PHOX2A: variants seen among roughly 807,000 people sequenced by gnomAD.
The protein encoded by PHOX2A is paired mesoderm homeobox protein 2A.
PHOX2A carries 10 observed loss-of-function variants against 16.4 expected under a neutral mutation model. That is an observed-to-expected ratio of 0.61 (90% CI 0.38 to 1.04). The LOEUF (loss-of-function observed/expected upper bound fraction) is 1.04. Among genes scored for constraint, PHOX2A ranks in the 50% least tolerant of loss-of-function variants. PHOX2A has a pLI of 0.01. For missense variants in PHOX2A, 361 were observed against 419.4 expected, an observed-to-expected ratio of 0.86 and a Z score of 1.22; for synonymous variants, 219 against 203.8, an observed-to-expected ratio of 1.07 and a Z score of -0.64.
At chr11:72,243,619 C>T (rs1388878503) in intron 1 of PHOX2A, among the ~76,000 whole-genome samples, 169 bp downstream of exon 1, 2 of 152,124 alleles carry the variant, frequency 1.3e-5, no homozygotes. Context: ...GAGGGTGAGG[C>T]TCATTCCTGC....
At chr11:72,242,855 T>TG (rs1401795940) in intron 1 of PHOX2A, among the ~76,000 whole-genome samples, 28 of 150,876 alleles carry the variant, frequency 1.9e-4, no homozygotes, top group African/African-American at 6.8e-4. Flanking sequence ...TTAATGGAGA[T>TG]GGGGTTTCAC....
At position 72,243,929 on chromosome 11, in the gene PHOX2A, C is replaced by T; in HGVS notation, c.76G>A (p.Ala26Thr). The T allele has an allele frequency of 7.7e-7, 1 of 1,305,992 alleles. No homozygotes were observed. Among genetic ancestry groups the T allele is most frequent in the South Asian group, 2.9e-5 (1 of 34,226 alleles). The allele number at this position is 1,305,992 out of a possible 1,614,324, so 80.9% of individuals were successfully genotyped here. Residue 26 changes from alanine (A) to threonine (T), a missense_variant, in exon 1 of 3, where the codon GCC becomes ACC. By Grantham distance (58) the Ala-to-Thr change is moderately conservative (BLOSUM62 0). Transcript: ENST00000298231. ...MEASAYGDFG[A>T]CSQPGGFQYS... ...TGGAAGCCGCCGGGCTGGCTGCAGG[C>T]GCCAAAGTCGCCGTAGGCGGACGCC...
chr11:72,241,322 G>GGGGCC, intron 1 of PHOX2A, 33 bp from the exon 2 acceptor site: 1 of 626,606 alleles, frequency 1.6e-6, no homozygotes, highest in Non-Finnish European at 2.7e-6. Flanking sequence ...CGGGGGGGGG[G>GGGGCC]CAAAAAGGAT....
chr11:72,241,314 GGGGGGGGGCAAAAAGGAT>G, intron 1 of PHOX2A, 25 bp from the exon 2 acceptor site: 2 of 1,249,232 alleles, frequency 1.6e-6, no homozygotes, highest in Non-Finnish European at 1.1e-6. Flanking sequence ...AGGGGGGCCG[GGGGGGGGGCAAAAAGGAT>G]GGGGGAGTGA....
chr11:72,243,986 T>A lies in PHOX2A; in HGVS notation c.19A>T (p.Asn7Tyr). 1 of 1,218,656 alleles carries A rather than the reference T, an allele frequency of 8.2e-7. No individual in the cohort carries two copies. The highest frequency in any genetic ancestry group is 1.0e-6 in the Non-Finnish European group (1 of 969,736). The allele number at this position is 1,218,656 out of a possible 1,614,324, so 75.5% of individuals were successfully genotyped here. A position where few individuals can be genotyped will look rare whatever the true frequency, so the allele number is the denominator to read the frequency against. ...GCCGCCACGCACGAGTCGTACGAATTGAGGTAGGAGTAGTCCATCGGCCCG... is the reference window on the plus strand; with the variant it reads ...GCCGCCACGCACGAGTCGTACGAATAGAGGTAGGAGTAGTCCATCGGCCCG... MDYSYL[N>Y]SYDSCVAAME... Residue 7 changes from asparagine to tyrosine, a missense_variant, in exon 1 of 3, where the codon AAT (asparagine) becomes TAT (tyrosine). This residue lies in a region of PHOX2A where 235 missense variants were observed against 263.8 expected (regional missense o/e 0.89). Coordinates refer to ENST00000298231, the MANE Select transcript of PHOX2A (RefSeq NM_005169.4).
rs1433782871 is a variant in PHOX2A, at chr11:72,244,101, A to G, written c.-97T>C. The G allele has an allele frequency of 1.8e-6, 1 of 540,950 alleles. No individual in the cohort carries two copies. Among genetic ancestry groups the G allele is most frequent in the East Asian group, 3.5e-5 (1 of 28,558 alleles). The allele number at this position is 540,950 out of a possible 1,614,324, so 33.5% of individuals were successfully genotyped here. A position where few individuals can be genotyped will look rare whatever the true frequency, so the allele number is the denominator to read the frequency against. ...GAGGTTCGAGCGCCAGGCTCCGAGG[A>G]CCCGAGGCCAGCTCTGAGCGCCCGA... On this transcript the variant is annotated 5_prime_UTR_variant, in exon 1 of 3. Transcript: ENST00000298231.
At chr11:72,241,985 C>T (rs1223515671) in intron 1 of PHOX2A, among the ~76,000 whole-genome samples, 1 of 150,298 alleles carries the variant, frequency 6.7e-6, no homozygotes, top group Non-Finnish European at 1.5e-5. Context: ...CTCTCTTCAA[C>T]TTTCCATTTC....
Position 72,243,890 on chromosome 11 carries a change from G to T in PHOX2A, c.115C>A (p.Arg39=), listed in dbSNP as rs1205614628. Reference sequence around the variant, plus strand: ...GGCCCTGCCGCGGGGAAAGCGGGCCGCAGGGGGCTGTATTGGAAGCCGCCG... The same window carrying T: ...GGCCCTGCCGCGGGGAAAGCGGGCCTCAGGGGGCTGTATTGGAAGCCGCCG... ...QPGGFQYSPL[R]PAFPAAGPPC... is the part of the protein sequence containing the mutation. Residue 39 remains arginine (R), a synonymous_variant, in exon 1 of 3, where the codon CGG becomes AGG. Transcript: ENST00000298231. The T allele has an allele frequency of 9.3e-6, 12 of 1,284,566 alleles. No individual in the cohort carries two copies. Among genetic ancestry groups the T allele is most frequent in the Non-Finnish European group, 1.2e-5 (12 of 1,011,058 alleles). 79.6% of individuals were successfully genotyped at this position (1,284,566 alleles called of 1,614,324 possible).
chr11:72,244,169 A>C lies in PHOX2A; in HGVS notation c.-165T>G. ...CGCGGCCGCACTCAGCCCGGGTGCA[A>C]CGCAAGTGCAGCCAGCCCGGCCCGC... On this transcript the variant is annotated 5_prime_UTR_variant, in exon 1 of 3. Coordinates refer to ENST00000298231, the MANE Select transcript of PHOX2A (RefSeq NM_005169.4). 1 of 384,544 alleles carries C rather than the reference A, an allele frequency of 2.6e-6. No homozygotes were observed. Among genetic ancestry groups the C allele is most frequent in the Non-Finnish European group, 4.6e-6 (1 of 218,592 alleles). The allele number at this position is 384,544 out of a possible 1,614,324, so 23.8% of individuals were successfully genotyped here.
intron 1 of PHOX2A, among the ~76,000 whole-genome samples, 176 bp from the exon 2 acceptor site, chr11:72,241,465 G>C (rs1003133918): frequency 1.3e-5 from 2 of 152,072 alleles, no homozygotes; most frequent in African/African-American, 4.8e-5. Flanking sequence ...TTACTCAATG[G>C]AGCCGGCGGG....
rs1460658529 is a variant in PHOX2A at position 72,239,235 on chromosome 11, G to A, written c.*514C>T. The A allele has an allele frequency of 6.5e-6, 1 of 152,774 alleles. No individual in the cohort carries two copies. Among genetic ancestry groups the A allele is most frequent in the Non-Finnish European group, 1.5e-5 (1 of 68,490 alleles). The allele number at this position is 152,774 out of a possible 1,614,324, so 9.5% of individuals were successfully genotyped here. ...CTCCTCTAACAGGTCCACCCTCTGT[G>A]CCAGACGGGCTAGGGAAGAGAGGAG... On this transcript the variant is annotated 3_prime_UTR_variant, in exon 3 of 3. Coordinates refer to ENST00000298231, the MANE Select transcript of PHOX2A (RefSeq NM_005169.4).
chr11:72,244,059 G>T lies in PHOX2A; in HGVS notation c.-55C>A. The T allele has an allele frequency of 3.3e-6, 3 of 897,240 alleles. No individual in the cohort carries two copies. The highest frequency in any genetic ancestry group is 4.4e-6 in the Non-Finnish European group (3 of 676,114). 55.6% of individuals were successfully genotyped at this position (897,240 alleles called of 1,614,324 possible). A position where few individuals can be genotyped will look rare whatever the true frequency, so the allele number is the denominator to read the frequency against. The stretch of plus-strand genomic sequence containing the variant: ...CCAGGCCGGGTCGGGGTCGGGGTCC[G>T]GGTGGAGGTCGGAAGGGAGGTTCGA... On this transcript the variant is annotated 5_prime_UTR_variant, in exon 1 of 3. Coordinates refer to ENST00000298231, the MANE Select transcript of PHOX2A (RefSeq NM_005169.4).
chr11:72,239,628 CAGT>C lies in PHOX2A; in HGVS notation c.*118_*120del, dbSNP rs963398439. On this transcript the variant is annotated 3_prime_UTR_variant, in exon 3 of 3. Coordinates refer to ENST00000298231, the MANE Select transcript of PHOX2A (RefSeq NM_005169.4). ...GGGGAGGACACACCGAGGGGTGAGACAGTAGGGAGTGGAGACGGATGGGGACTT... is the reference window on the plus strand; with the variant it reads ...GGGGAGGACACACCGAGGGGTGAGACAGGGAGTGGAGACGGATGGGGACTT... 2.8e-6 allele frequency: 2 copies of C among 713,888 alleles called. No individual in the cohort carries two copies. The highest frequency in any genetic ancestry group is 4.3e-5 in the Admixed American group (1 of 23,148). 44.2% of individuals were successfully genotyped at this position (713,888 alleles called of 1,614,324 possible). A position where few individuals can be genotyped will look rare whatever the true frequency, so the allele number is the denominator to read the frequency against.
In PHOX2A at chr11:72,243,791, C is replaced by T. The variant is rs1248558741; in HGVS notation, c.214G>A (p.Ala72Thr). 2.4e-6 allele frequency: 3 copies of T among 1,247,484 alleles called. No homozygotes were observed. The highest frequency in any genetic ancestry group is 3.1e-4 in the Middle Eastern group (1 of 3,274). 77.3% of individuals were successfully genotyped at this position (1,247,484 alleles called of 1,614,324 possible). A position where few individuals can be genotyped will look rare whatever the true frequency, so the allele number is the denominator to read the frequency against. Reference sequence around the variant, plus strand: ...GTTGGGCCGGGGCTGCGCTCACCTGCCGAGTAGGGCGCGGGCTGGTGGTCG... The same window carrying T: ...GTTGGGCCGGGGCTGCGCTCACCTGTCGAGTAGGGCGCGGGCTGGTGGTCG... ...LRDHQPAPYS[A>T]VPYKFFPEPS... The change falls in exon 1 of 3, where the codon GCA becomes ACA. Residue 72 changes from alanine to threonine, a missense_variant. Physicochemically the swap from Ala to Thr is moderately conservative, Grantham distance 58. Coordinates refer to ENST00000298231, the MANE Select transcript of PHOX2A (RefSeq NM_005169.4).
At position 72,239,772 on chromosome 11, in the gene PHOX2A, CG is replaced by C; in HGVS notation, c.831del (p.Ala278ProfsTer2). On this transcript the variant is annotated frameshift_variant, in exon 3 of 3. Coordinates refer to ENST00000298231, the MANE Select transcript of PHOX2A (RefSeq NM_005169.4). LOFTEE classifies it high-confidence loss of function. The stretch of plus-strand genomic sequence containing the variant: ...AGCTAGAAGAGATTGGTCTTCAGGG[CG>C]GGGCCGGGCTTCCGGTGAAAGGAGG... Reference protein sequence around the residue: ...VLSSFHRKPGPALKTNLF With the variant: ...VLSSFHRKPGXALKTNLF The C allele has an allele frequency of 7.6e-7, 1 of 1,323,172 alleles. No homozygotes were observed. The highest frequency in any genetic ancestry group is 2.7e-5 in the South Asian group (1 of 37,170). The allele number at this position is 1,323,172 out of a possible 1,614,324, so 82.0% of individuals were successfully genotyped here.
intron 1 of PHOX2A, 33 bp from the exon 2 acceptor site, chr11:72,241,322 G>GGGCC: frequency 1.6e-6 from 1 of 626,608 alleles, no homozygotes; most frequent in East Asian, 3.4e-5. Flanking sequence ...CGGGGGGGGG[G>GGGCC]CAAAAAGGAT....
Position 72,241,168 on chromosome 11 carries a change from G to C in PHOX2A, c.339C>G (p.His113Gln). ...KELERVFAETHYPDIYTREEL... is the reference protein window; with the variant it reads ...KELERVFAETQYPDIYTREEL... Reference sequence around the variant, plus strand: ...CCTCACGCGTGTAAATGTCGGGGTAGTGGGTCTCAGCGAAAACGCGCTCCA... The same window carrying C: ...CCTCACGCGTGTAAATGTCGGGGTACTGGGTCTCAGCGAAAACGCGCTCCA... The change falls in exon 2 of 3, where the codon CAC becomes CAG. Residue 113 changes from histidine to glutamine, a missense_variant. His to Gln is a conservative substitution (Grantham distance 24). Around this residue, in one of 3 missense-constraint regions of PHOX2A, gnomAD observed 235 missense variants for 263.8 expected, o/e 0.89. Transcript: ENST00000298231. The C allele has an allele frequency of 6.2e-7, 1 of 1,613,990 alleles. No individual in the cohort carries two copies. Among genetic ancestry groups the C allele is most frequent in the Non-Finnish European group, 8.5e-7 (1 of 1,180,020 alleles).
chr11:72,244,056 T>A lies in PHOX2A; in HGVS notation c.-52A>T. The A allele has an allele frequency of 1.1e-6, 1 of 896,082 alleles. No homozygotes were observed. 55.5% of individuals were successfully genotyped at this position (896,082 alleles called of 1,614,324 possible). ...GGGCCAGGCCGGGTCGGGGTCGGGG[T>A]CCGGGTGGAGGTCGGAAGGGAGGTT... On this transcript the variant is annotated 5_prime_UTR_variant, in exon 1 of 3. Coordinates refer to ENST00000298231, the MANE Select transcript of PHOX2A (RefSeq NM_005169.4).
chr11:72,243,210 C>T (rs189989605), intron 1 of PHOX2A, among the ~76,000 whole-genome samples: 44 of 152,306 alleles, frequency 2.9e-4, no homozygotes, highest in East Asian at 1.4e-3. Context: ...GCTTAAAAAC[C>T]CGGGCCCCTT....
Sources: allele counts gnomAD v4.1 joint callset (sites outside exome capture counted in the v4.1 genomes callset), GRCh38; gene constraint gnomAD v4.1.1; regional missense constraint gnomAD v4.1.1; transcripts MANE v1.5; gene names NCBI Gene and HGNC (gene_info 2026-07-23, HGNC 2026-07-21).